Variants in SUFU observed in about 807,000 individuals in gnomAD.
The protein encoded by SUFU is SUFU negative regulator of hedgehog signaling.
Under a neutral mutation model 58.9 loss-of-function variants are expected in SUFU, and 7 were observed. The observed-to-expected ratio is 0.12, with a 90% CI of 0.07 to 0.22. SUFU has a LOEUF of 0.22. Ranked by LOEUF, SUFU falls within the 10% of genes least tolerant of loss-of-function variation. The pLI is 1.00. For missense variants in SUFU, 451 were observed against 641.3 expected (o/e 0.70, Z 3.20); for synonymous variants, 232 against 254.8 (o/e 0.91, Z 0.85).
chr10:102,585,906 A>C (rs1316920910), intron 3 of SUFU, among the ~76,000 whole-genome samples: 1 of 61,696 alleles, frequency 1.6e-5, no homozygotes, highest in Admixed American at 1.9e-4. Context: ...TTTTTTTTTG[A>C]CAGAGTCTCA....
intron 7 of SUFU, among the ~76,000 whole-genome samples, 193 bp downstream of exon 7, chr10:102,597,486 T>A (rs935198913): frequency 1.3e-5 from 2 of 152,234 alleles, no homozygotes; most frequent in African/African-American, 4.8e-5. Flanking sequence ...CATTCCTAGT[T>A]GTGTTTCCTG....
intron 2 of SUFU, among the ~76,000 whole-genome samples, chr10:102,518,086 TC>T (rs1280667103): frequency 2.0e-5 from 3 of 152,198 alleles, no homozygotes; most frequent in African/African-American, 7.2e-5. Flanking sequence ...TCTTCAGTGT[TC>T]CAAGAAACTT....
rs1384276713 is a variant in SUFU at position 102,524,324 on chromosome 10, C to CTTTTTTTTTT, written c.317+15025_317+15026insTTTTTTTTTT. The stretch of plus-strand genomic sequence containing the variant: ...CCAGCCTAATTTTTCTTTTTCTTTT[C>CTTTTTTTTTT]TTTTCTTTTTTTTTTTTTTGAGATG... On this transcript the variant is annotated intron_variant, in intron 2 of 11. Transcript: ENST00000369902. Among the ~76,000 whole-genome samples the CTTTTTTTTTT allele has an allele frequency of 8.3e-5, 10 of 119,878 alleles. 1 individual carries two copies. Among genetic ancestry groups the CTTTTTTTTTT allele is most frequent in the Non-Finnish European group, 1.2e-4 (7 of 57,542 alleles). The allele number at this position is 119,878 out of a possible 152,430, so 78.6% of individuals were successfully genotyped here. A position where few individuals can be genotyped will look rare whatever the true frequency, so the allele number is the denominator to read the frequency against.
In SUFU at chr10:102,568,923, CAT is replaced by C. The variant is rs1166324733; in HGVS notation, c.454+18856_454+18857del. 1.5e-3 allele frequency among the ~76,000 whole-genome samples: 57 copies of C among 39,088 alleles called. 2 individuals carry two copies. Among genetic ancestry groups the C allele is most frequent in the African/African-American group, 7.4e-3 (55 of 7,480 alleles). The allele number at this position is 39,088 out of a possible 152,430, so 25.6% of individuals were successfully genotyped here. A position where few individuals can be genotyped will look rare whatever the true frequency, so the allele number is the denominator to read the frequency against. On this transcript the variant is annotated intron_variant, in intron 3 of 11. Transcript: ENST00000369902. ...ATATATATATATATATATATATACA[CAT>C]ATATATATATATATATATATATATA...
In SUFU at chr10:102,605,455, C is replaced by T. The variant is rs149663608; in HGVS notation, c.1022+5911C>T. Among the ~76,000 whole-genome samples the T allele has an allele frequency of 1.7e-3, 259 of 152,182 alleles. 9 individuals carry two copies. In the East Asian group the frequency reaches 0.042, roughly 25 times the overall value. ...CTGGGAGGTTGAGGCTGCAGTGAAC[C>T]GTGATCACACCACTGCACTCCAGCC... On this transcript the variant is annotated intron_variant, in intron 8 of 11. Transcript: ENST00000369902.
intron 3 of SUFU, among the ~76,000 whole-genome samples, chr10:102,550,391 C>T (rs1283231969): frequency 6.6e-6 from 1 of 152,202 alleles, no homozygotes; most frequent in African/African-American, 2.4e-5. Flanking sequence ...TCTTTCATGT[C>T]ATCTGATATA....
chr10:102,588,862 A>AAATCC (rs2063363975), intron 3 of SUFU, among the ~76,000 whole-genome samples: 1 of 152,138 alleles, frequency 6.6e-6, no homozygotes, highest in Admixed American at 6.5e-5. Context: ...ATTGTATTAT[A>AAATCC]TTTGATGCTA....
chr10:102,551,164 G>A (rs1424920545), intron 3 of SUFU, among the ~76,000 whole-genome samples: 1 of 152,258 alleles, frequency 6.6e-6, no homozygotes, highest in Non-Finnish European at 1.5e-5. Flanking sequence ...ACATGAGGCA[G>A]ATCCATAACT....
chr10:102,597,248 C>T lies in SUFU; in HGVS notation c.865C>T (p.Arg289Trp), dbSNP rs755961394. The change falls in exon 7 of 12, where the codon CGG (arginine) becomes TGG (tryptophan). Residue 289 changes from arginine (R) to tryptophan (W), a missense_variant. By Grantham distance (101) the Arg-to-Trp change is moderately radical. Coordinates refer to ENST00000369902, the MANE Select transcript of SUFU (RefSeq NM_016169.4). Reference sequence around the variant, plus strand: ...GCCCCCCGAGGATGACGAGGACAGCCGGAGCATCTGCATCGGCACACAGCC... The same window carrying T: ...GCCCCCCGAGGATGACGAGGACAGCTGGAGCATCTGCATCGGCACACAGCC... ...SRPPEDDEDSRSICIGTQPRR... is the reference protein window; with the variant it reads ...SRPPEDDEDSWSICIGTQPRR... 1.4e-5 allele frequency: 22 copies of T among 1,613,842 alleles called. No homozygotes were observed. The highest frequency in any genetic ancestry group is 5.0e-5 in the Admixed American group (3 of 59,994).
intron 2 of SUFU, among the ~76,000 whole-genome samples, chr10:102,545,771 C>T (rs991612804): frequency 1.2e-4 from 18 of 152,070 alleles, no homozygotes; most frequent in African/African-American, 3.4e-4. Flanking sequence ...GTCAGAAGTT[C>T]GAGACCAGCC....
chr10:102,509,374 T>G (rs1274446791), intron 2 of SUFU, 71 bp downstream of exon 2: 18 of 1,590,884 alleles, frequency 1.1e-5, no homozygotes, highest in Non-Finnish European at 1.3e-5. Flanking sequence ...GGTGACAATG[T>G]CATAGTGCTG....
rs150280914 is a variant in SUFU, at chr10:102,628,360, G to A, written c.1365+1117G>A. On this transcript the variant is annotated intron_variant, in intron 11 of 11. Transcript: ENST00000369902. This position sits in a 1 kb window ranked among gnomAD's most constrained non-coding sequence, Gnocchi z 4.5. Reference sequence around the variant, plus strand: ...AGAGCAGGGTCTCCTCTGTCCTCTGGGATGCAGCTTGAGAAATTTGTTCAT... The same window carrying A: ...AGAGCAGGGTCTCCTCTGTCCTCTGAGATGCAGCTTGAGAAATTTGTTCAT... Among the ~76,000 whole-genome samples the A allele has an allele frequency of 0.014, 2,161 of 152,314 alleles. 25 individuals carry two copies. Among genetic ancestry groups the A allele is most frequent in the Admixed American group, 0.024 (371 of 15,302 alleles).
intron 8 of SUFU, among the ~76,000 whole-genome samples, chr10:102,608,577 A>T (rs1040023268): frequency 3.3e-5 from 5 of 152,134 alleles, no homozygotes; most frequent in Non-Finnish European, 7.4e-5. Flanking sequence ...ACAGAAGATA[A>T]TGGGGGGAAC....
rs1245805772 is a variant in SUFU at position 102,575,253 on chromosome 10, T to G, written c.455-17329T>G. Among the ~76,000 whole-genome samples the G allele has an allele frequency of 2.6e-5, 4 of 152,184 alleles. No individual in the cohort carries two copies. The East Asian group carries it at 5.8e-4, about 22-fold the overall frequency. On this transcript the variant is annotated intron_variant, in intron 3 of 11. Transcript: ENST00000369902. ...AAGCTAGCCTGGTTGAAAATGCCAGTGGTGCCATTTTAGTTGCCAGCCAAG... is the reference window on the plus strand; with the variant it reads ...AAGCTAGCCTGGTTGAAAATGCCAGGGGTGCCATTTTAGTTGCCAGCCAAG...
chr10:102,580,479 T>C (rs1229925344), intron 3 of SUFU, among the ~76,000 whole-genome samples: 1 of 152,026 alleles, frequency 6.6e-6, no homozygotes, highest in Non-Finnish European at 1.5e-5. Context: ...TGCTGTAAGG[T>C]TCTTTGGCTT....
chr10:102,521,905 A>G (rs1372301175), intron 2 of SUFU, among the ~76,000 whole-genome samples: 1 of 152,236 alleles, frequency 6.6e-6, no homozygotes, highest in Non-Finnish European at 1.5e-5. Flanking sequence ...AAATGGGAGA[A>G]AACAATTACT....
chr10:102,606,810 A>C (rs1219678758), intron 8 of SUFU, among the ~76,000 whole-genome samples: 1 of 152,194 alleles, frequency 6.6e-6, no homozygotes, highest in African/African-American at 2.4e-5. Context: ...CACTCCATCC[A>C]AATCTAAGTG....
chr10:102,587,841 G>A (rs1353443536), intron 3 of SUFU, among the ~76,000 whole-genome samples: 1 of 152,106 alleles, frequency 6.6e-6, no homozygotes, highest in Non-Finnish European at 1.5e-5. Flanking sequence ...CCTATCCTTT[G>A]TTACTTATGC....
At chr10:102,559,931 C>T (rs2063018462) in intron 3 of SUFU, among the ~76,000 whole-genome samples, 1 of 152,182 alleles carries the variant, frequency 6.6e-6, no homozygotes, top group Non-Finnish European at 1.5e-5. Flanking sequence ...TAATGGCAAC[C>T]TCATGACATG....
Sources: gnomAD v4.1 joint callset for allele counts (sites outside exome capture counted in the v4.1 genomes callset) on GRCh38, gnomAD v4.1.1 for gene constraint, Gnocchi (gnomAD v3.1) non-coding constraint, MANE v1.5 for transcripts, NCBI Gene and HGNC (gene_info 2026-07-23, HGNC 2026-07-21) for gene names.